SPAG16: variants seen among roughly 807,000 people sequenced by gnomAD.
The protein encoded by SPAG16 is sperm-associated antigen 16 protein.
SPAG16 carries 86 observed loss-of-function variants against 80.4 expected under a neutral mutation model. That is an observed-to-expected ratio of 1.07 (90% CI 0.90 to 1.28). SPAG16 has a LOEUF of 1.28. SPAG16 is among the 50% of genes most tolerant of loss of function. The probability of loss-of-function intolerance (pLI) is 0.00; values close to 1 mark genes in which losing one functional copy is unlikely to be tolerated. For missense variants in SPAG16, 870 were observed against 765.3 expected (o/e 1.14, Z -1.61); for synonymous variants, 294 against 265.9 (o/e 1.11, Z -1.03).
In SPAG16 at chr2:213,325,871, C is replaced by T. The variant is rs182509949; in HGVS notation, c.536+8515C>T. On this transcript the variant is annotated intron_variant, in intron 5 of 15. Transcript: ENST00000331683. The stretch of plus-strand genomic sequence containing the variant: ...TTTTGTGTTCACTATACCCACGGGG[C>T]CTATCTCTGTGCCTGGTACATAGAA... 2.6e-5 allele frequency among the ~76,000 whole-genome samples: 4 copies of T among 152,042 alleles called. No homozygotes were observed. In the East Asian group the frequency reaches 7.7e-4, roughly 29 times the overall value.
At chr2:213,544,531 C>T (rs945413336) in intron 10 of SPAG16, among the ~76,000 whole-genome samples, 1 of 151,902 alleles carries the variant, frequency 6.6e-6, no homozygotes, top group Non-Finnish European at 1.5e-5. Flanking sequence ...TCATTATCAC[C>T]AAAAGTCGTA....
At chr2:214,146,859 G>A (rs1215023197) in intron 14 of SPAG16, among the ~76,000 whole-genome samples, 11 of 151,988 alleles carry the variant, frequency 7.2e-5, no homozygotes, top group Non-Finnish European at 1.5e-5. Context: ...AATTAGCCGG[G>A]TGTGGTGGCA....
At chr2:214,219,267 C>G (rs988481585) in intron 15 of SPAG16, among the ~76,000 whole-genome samples, 3 of 152,032 alleles carry the variant, frequency 2.0e-5, no homozygotes, top group African/African-American at 4.8e-5. Context: ...GTTTAGAAAT[C>G]TTTTGTTAAA....
At chr2:214,407,417 A>G (rs1702053139) in intron 15 of SPAG16, among the ~76,000 whole-genome samples, 1 of 152,256 alleles carries the variant, frequency 6.6e-6, no homozygotes, top group South Asian at 2.1e-4. Flanking sequence ...TATGAACATT[A>G]TTAGTTCAGG....
chr2:214,139,344 T>C lies in SPAG16; in HGVS notation c.1594-9796T>C, dbSNP rs190384962. On this transcript the variant is annotated intron_variant, in intron 14 of 15. Coordinates refer to ENST00000331683, the MANE Select transcript of SPAG16 (RefSeq NM_024532.5). ...TCCCCTTTTCCCTGTTGTTGCTTAA[T>C]TATGACTTTTTTCTTTGTGATTATT... 2.5e-4 allele frequency among the ~76,000 whole-genome samples: 38 copies of C among 152,168 alleles called. No individual in the cohort carries two copies. The East Asian group carries it at 5.4e-3, about 22-fold the overall frequency.
intron 9 of SPAG16, among the ~76,000 whole-genome samples, chr2:213,395,130 T>A (rs543064724): frequency 9.2e-5 from 14 of 152,340 alleles, no homozygotes; most frequent in Non-Finnish European, 1.8e-4. Context: ...TTTGTCAGTC[T>A]TGCTATATAG....
At chr2:214,052,089 A>G (rs1384525310) in intron 13 of SPAG16, among the ~76,000 whole-genome samples, 1 of 152,210 alleles carries the variant, frequency 6.6e-6, no homozygotes, top group African/African-American at 2.4e-5. Flanking sequence ...AAGTAGGACA[A>G]TGATTTTATT....
intron 14 of SPAG16, among the ~76,000 whole-genome samples, chr2:214,115,690 A>G (rs2053896527): frequency 6.6e-6 from 1 of 152,088 alleles, no homozygotes. Context: ...CATCCTGGCC[A>G]ATATGGTGAA....
intron 10 of SPAG16, among the ~76,000 whole-genome samples, chr2:213,643,859 C>T (rs1230537412): frequency 2.2e-5 from 3 of 136,030 alleles, no homozygotes. Context: ...TGGCTCACTG[C>T]AACCTCCACC....
chr2:214,294,838 A>G (rs1694025282), intron 15 of SPAG16, among the ~76,000 whole-genome samples: 2 of 152,172 alleles, frequency 1.3e-5, no homozygotes, highest in South Asian at 4.1e-4. Flanking sequence ...GCCTCTCCCA[A>G]TATGTTTTTC....
intron 9 of SPAG16, among the ~76,000 whole-genome samples, chr2:213,398,493 A>G (rs946488927): frequency 6.6e-6 from 1 of 152,194 alleles, no homozygotes; most frequent in Non-Finnish European, 1.5e-5. Flanking sequence ...CTACTTATTT[A>G]TAGAACACTG....
At chr2:213,511,105 G>A (rs1396652225) in intron 10 of SPAG16, among the ~76,000 whole-genome samples, 1 of 152,074 alleles carries the variant, frequency 6.6e-6, no homozygotes, top group Non-Finnish European at 1.5e-5. Flanking sequence ...TTAATATAAA[G>A]TTCTTGACTT....
chr2:213,944,751 T>A (rs2079365843), intron 12 of SPAG16, among the ~76,000 whole-genome samples: 1 of 152,104 alleles, frequency 6.6e-6, no homozygotes, highest in Non-Finnish European at 1.5e-5. Flanking sequence ...AAATTCCCAA[T>A]GTGATAGTAT....
chr2:213,636,805 A>T (rs765491848), intron 10 of SPAG16, among the ~76,000 whole-genome samples: 1 of 152,134 alleles, frequency 6.6e-6, no homozygotes, highest in Non-Finnish European at 1.5e-5. Context: ...CATTGATTTT[A>T]TATCTTAAAA....
chr2:213,546,205 T>G (rs894329042), intron 10 of SPAG16, among the ~76,000 whole-genome samples: 1 of 152,192 alleles, frequency 6.6e-6, no homozygotes, highest in Non-Finnish European at 1.5e-5. Flanking sequence ...TCCTCTTTTG[T>G]ATCCCTCTCT....
chr2:214,170,684 A>G (rs985124980), intron 15 of SPAG16, among the ~76,000 whole-genome samples: 1 of 152,014 alleles, frequency 6.6e-6, no homozygotes, highest in Non-Finnish European at 1.5e-5. Context: ...TTTCAGGTCA[A>G]TTGGATGTGT....
rs371794932 is a variant in SPAG16 at position 214,268,779 on chromosome 2, T to G, written c.1720+119513T>G. 2.0e-5 allele frequency among the ~76,000 whole-genome samples: 3 copies of G among 151,508 alleles called. No homozygotes were observed. The East Asian group carries it at 5.8e-4, about 29-fold the overall frequency. On this transcript the variant is annotated intron_variant, in intron 15 of 15. Coordinates refer to ENST00000331683, the MANE Select transcript of SPAG16 (RefSeq NM_024532.5). The stretch of plus-strand genomic sequence containing the variant: ...TGTGTGTGGGTGTGTATGTATGTAT[T>G]TATTTGTGTATTTATGTGTCATTAG...
rs77212883 is a variant in SPAG16, at chr2:214,139,966, G to C, written c.1594-9174G>C. On this transcript the variant is annotated intron_variant, in intron 14 of 15. Transcript: ENST00000331683. ...CCAAAACCCACCTATGACTTATAAG[G>C]CTCTACTTGAAGATGTCCTGCCATC... 8.0e-3 allele frequency among the ~76,000 whole-genome samples: 1,216 copies of C among 152,164 alleles called. 24 individuals carry two copies. The highest frequency in any genetic ancestry group is 0.028 in the African/African-American group (1,146 of 41,526).
chr2:214,164,645 A>G (rs2056577599), intron 15 of SPAG16, among the ~76,000 whole-genome samples: 1 of 152,168 alleles, frequency 6.6e-6, no homozygotes. Flanking sequence ...TTTTAAATGC[A>G]TGTACATTTG....
Sources: allele counts gnomAD v4.1 joint callset (sites outside exome capture counted in the v4.1 genomes callset), GRCh38; gene constraint gnomAD v4.1.1; transcripts MANE v1.5; gene names NCBI Gene and HGNC (gene_info 2026-07-23, HGNC 2026-07-21).